The following PCDHGA3 variants were observed in gnomAD, a reference collection of about 807,000 sequenced individuals.
The protein encoded by PCDHGA3 is protocadherin gamma-A3.
A neutral mutation model predicts 58.5 loss-of-function variants in PCDHGA3; 40 were observed. The ratio of observed to expected loss-of-function variants is 0.68; its 90% CI spans 0.53 to 0.89. PCDHGA3 has a LOEUF of 0.89. Among genes scored for constraint, PCDHGA3 ranks in the 40% least tolerant of loss-of-function variants. The pLI is 0.00. For missense variants in PCDHGA3, 1,223 were observed against 1,195.9 expected, an observed-to-expected ratio of 1.02 and a Z score of -0.33; for synonymous variants, 530 against 525.7, an observed-to-expected ratio of 1.01 and a Z score of -0.11.
At chr5:141,371,597 A>C (rs982667859) in intron 1 of PCDHGA3, 7 of 1,613,908 alleles carry the variant, frequency 4.3e-6, no homozygotes, top group Non-Finnish European at 5.9e-6. Flanking sequence ...CCAAAAACAC[A>C]TACAGGTTGG....
chr5:141,389,581 G>C, intron 1 of PCDHGA3: 1 of 1,613,202 alleles, frequency 6.2e-7, no homozygotes, highest in East Asian at 2.2e-5. Context: ...CCCGCGCTGG[G>C]TCCCGACGGC....
intron 1 of PCDHGA3, among the ~76,000 whole-genome samples, chr5:141,460,577 TGTG>T (rs2098992364): frequency 6.6e-6 from 1 of 152,094 alleles, no homozygotes; most frequent in African/African-American, 2.4e-5. Context: ...CATATGTAGG[TGTG>T]GGTTTTTTCT....
rs1173306822 is a variant in PCDHGA3 at position 141,431,115 on chromosome 5, T to C, written c.2425-63692T>C. The C allele has an allele frequency of 9.3e-6, 15 of 1,613,492 alleles. No individual in the cohort carries two copies. The highest frequency in any genetic ancestry group is 1.3e-5 in the Non-Finnish European group (15 of 1,179,878). On this transcript the variant is annotated intron_variant, in intron 1 of 3. Coordinates refer to ENST00000253812, the MANE Select transcript of PCDHGA3 (RefSeq NM_018916.4). The surrounding 1 kb of genome is among the most constrained non-coding windows in gnomAD (Gnocchi z 4.8). The stretch of plus-strand genomic sequence containing the variant: ...GAGGATAAAGTGAAAATATATGGAG[T>C]AGAAGTAGAAGTAAGGGACATTAAC...
In PCDHGA3 at chr5:141,414,837, G is replaced by C. The variant is rs776651290; in HGVS notation, c.2424+68380G>C. On this transcript the variant is annotated intron_variant, in intron 1 of 3. Coordinates refer to ENST00000253812, the MANE Select transcript of PCDHGA3 (RefSeq NM_018916.4). ...TCAGCAGCAACGTGTCGTTGAGCCT[G>C]TTTGTGCTGGACCAGAACGACAATG... The C allele has an allele frequency of 2.4e-5, 38 of 1,614,232 alleles. No homozygotes were observed. In the Admixed American group the frequency reaches 5.8e-4, roughly 25 times the overall value.
In PCDHGA3 at chr5:141,389,510, G is replaced by A. The variant is rs527483186; in HGVS notation, c.2424+43053G>A. The A allele has an allele frequency of 5.0e-6, 8 of 1,613,140 alleles. No individual in the cohort carries two copies. In the African/African-American group the frequency reaches 6.7e-5, roughly 13 times the overall value. ...ACCAGGGCTCGCCAGCGCTCAGCGC[G>A]AACGTGAGCCTGCGCGTGTTAGTGG... On this transcript the variant is annotated intron_variant, in intron 1 of 3. Transcript: ENST00000253812.
chr5:141,505,298 T>C, intron 2 of PCDHGA3, 95 bp from the exon 3 acceptor site: 1 of 1,586,334 alleles, frequency 6.3e-7, no homozygotes, highest in Non-Finnish European at 8.6e-7. Flanking sequence ...GGGGTAGGGT[T>C]AGGGTACTAG....
rs760319541 is a variant in PCDHGA3, at chr5:141,477,772, C to T, written c.2425-17035C>T. 1.2e-6 allele frequency: 2 copies of T among 1,614,026 alleles called. No homozygotes were observed. Among genetic ancestry groups the T allele is most frequent in the South Asian group, 1.1e-5 (1 of 91,088 alleles). ...CCCCGGTCCTAGCCACCAACATCAGCGTGAACATATTTGTCACTGATCGCA... is the reference window on the plus strand; with the variant it reads ...CCCCGGTCCTAGCCACCAACATCAGTGTGAACATATTTGTCACTGATCGCA... On this transcript the variant is annotated intron_variant, in intron 1 of 3. Coordinates refer to ENST00000253812, the MANE Select transcript of PCDHGA3 (RefSeq NM_018916.4). This position sits in a 1 kb window ranked among gnomAD's most constrained non-coding sequence, Gnocchi z 4.9.
chr5:141,407,455 C>G (rs2094931708), intron 1 of PCDHGA3, among the ~76,000 whole-genome samples: 1 of 148,412 alleles, frequency 6.7e-6, no homozygotes, highest in African/African-American at 2.5e-5. Context: ...ACGAGGCTCA[C>G]CAGACAGATG....
chr5:141,503,377 A>G lies in PCDHGA3; in HGVS notation c.2484-2016A>G, dbSNP rs534841057. Among the ~76,000 whole-genome samples, 4 of 152,142 alleles carry G rather than the reference A, an allele frequency of 2.6e-5. No homozygotes were observed. In the East Asian group the frequency reaches 7.8e-4, roughly 30 times the overall value. The stretch of plus-strand genomic sequence containing the variant: ...TTTGGGAAGCGGAGGCAGGTGGATC[A>G]TGAGGTCAGGAGTTCGAAACCAACC... On this transcript the variant is annotated intron_variant, in intron 2 of 3. Coordinates refer to ENST00000253812, the MANE Select transcript of PCDHGA3 (RefSeq NM_018916.4).
chr5:141,420,118 T>C (rs2096468123), intron 1 of PCDHGA3: 2 of 1,613,844 alleles, frequency 1.2e-6, no homozygotes, highest in Admixed American at 1.7e-5. Flanking sequence ...ATGCCTATAA[T>C]TTTTGTGTGC....
rs376819906 is a variant in PCDHGA3 at position 141,418,227 on chromosome 5, T to C, written c.2424+71770T>C. On this transcript the variant is annotated intron_variant, in intron 1 of 3. Transcript: ENST00000253812. ...AATATTTTTCATGTCATTGTGGTGA[T>C]TGAGGATGTTAATGACCACGCCCCT... The C allele has an allele frequency of 6.8e-6, 11 of 1,613,856 alleles. No homozygotes were observed. In the South Asian group the frequency reaches 7.7e-5, roughly 11 times the overall value.
At chr5:141,398,349 C>T in intron 1 of PCDHGA3, 2 of 1,397,134 alleles carry the variant, frequency 1.4e-6, no homozygotes, top group Non-Finnish European at 2.0e-6. Flanking sequence ...AGAAGCCTTA[C>T]TTCACCGTGA....
At chr5:141,383,533 C>T (rs2240698) in intron 1 of PCDHGA3, 21,821 of 1,612,448 alleles carry the variant, frequency 0.014, 752 homozygotes, top group East Asian at 0.14. Flanking sequence ...CCACCTGGTC[C>T]TCACAGCCTC....
Position 141,476,376 on chromosome 5 carries a change from T to C in PCDHGA3, c.2425-18431T>C. ...GTGAACCGGGAGACCGGAGAGATGT[T>C]TGTGAACGACCGTCTGGATCGAGAG... On this transcript the variant is annotated intron_variant, in intron 1 of 3. Coordinates refer to ENST00000253812, the MANE Select transcript of PCDHGA3 (RefSeq NM_018916.4). The surrounding 1 kb of genome is among the most constrained non-coding windows in gnomAD (Gnocchi z 7.6). The C allele has an allele frequency of 6.2e-7, 1 of 1,614,060 alleles. No homozygotes were observed. Among genetic ancestry groups the C allele is most frequent in the Non-Finnish European group, 8.5e-7 (1 of 1,180,004 alleles).
At position 141,485,396 on chromosome 5, in the gene PCDHGA3, T is replaced by C. The variant is rs1466959644; in HGVS notation, c.2425-9411T>C. 2.5e-6 allele frequency: 4 copies of C among 1,614,042 alleles called. No homozygotes were observed. Among genetic ancestry groups the C allele is most frequent in the Non-Finnish European group, 3.4e-6 (4 of 1,179,960 alleles). On this transcript the variant is annotated intron_variant, in intron 1 of 3. Coordinates refer to ENST00000253812, the MANE Select transcript of PCDHGA3 (RefSeq NM_018916.4). The surrounding 1 kb of genome is among the most constrained non-coding windows in gnomAD (Gnocchi z 5.7). ...CGCTGGAGAGGTGAACCAAAGACAC[T>C]TCCGTGTGGATTTGGACAGCGGAGC...
Position 141,408,587 on chromosome 5 carries a change from C to A in PCDHGA3, c.2424+62130C>A, listed in dbSNP as rs768912219. 3 of 1,613,898 alleles carry A rather than the reference C, an allele frequency of 1.9e-6. No homozygotes were observed. The South Asian group carries it at 3.3e-5, about 18-fold the overall frequency. ...TGTGGTGATTGAGGATGTTAATGACCACGCCCCTCAATTTGATAAAAAGGA... is the reference window on the plus strand; with the variant it reads ...TGTGGTGATTGAGGATGTTAATGACAACGCCCCTCAATTTGATAAAAAGGA... On this transcript the variant is annotated intron_variant, in intron 1 of 3. Transcript: ENST00000253812.
chr5:141,481,096 T>C (rs1162625304), intron 1 of PCDHGA3, among the ~76,000 whole-genome samples: 2 of 152,150 alleles, frequency 1.3e-5, no homozygotes, highest in East Asian at 1.9e-4. Flanking sequence ...AAAGCAGTAC[T>C]CTGGAACCTA....
intron 2 of PCDHGA3, among the ~76,000 whole-genome samples, chr5:141,503,614 A>G (rs1595875970): frequency 6.6e-6 from 1 of 151,640 alleles, no homozygotes; most frequent in South Asian, 2.1e-4. Flanking sequence ...AAAAAAAAAA[A>G]GAAAAAAGAA....
At chr5:141,384,441 G>A in intron 1 of PCDHGA3, 1 of 1,614,028 alleles carries the variant, frequency 6.2e-7, no homozygotes, top group African/African-American at 1.3e-5. Flanking sequence ...CTGGAGTCCT[G>A]TACGCGCTGC....
Sources: allele counts gnomAD v4.1 joint callset (sites outside exome capture counted in the v4.1 genomes callset), GRCh38; gene constraint gnomAD v4.1.1; non-coding constraint Gnocchi (gnomAD v3.1); transcripts MANE v1.5; gene names NCBI Gene and HGNC (gene_info 2026-07-23, HGNC 2026-07-21).